The following NT5C1B variants were observed in gnomAD, a reference collection of about 807,000 sequenced individuals.
NT5C1B encodes the protein cytosolic 5'-nucleotidase 1B.
Under a neutral mutation model 57.8 loss-of-function variants are expected in NT5C1B, and 44 were observed. The ratio of observed to expected loss-of-function variants is 0.76; its 90% CI spans 0.60 to 0.98. The LOEUF is 0.98. Among genes scored for constraint, NT5C1B ranks in the 50% least tolerant of loss-of-function variants. The pLI is 0.00. For missense variants in NT5C1B, 742 were observed against 719.5 expected (o/e 1.03, Z -0.36); for synonymous variants, 284 against 282.6 (o/e 1.00, Z -0.05).
At chr2:18,576,934 T>C (rs893847599) in intron 6 of NT5C1B, 39 bp from the exon 7 acceptor site, 1 of 1,609,406 alleles carries the variant, frequency 6.2e-7, no homozygotes, top group Non-Finnish European at 8.5e-7. Flanking sequence ...TGACAGAGAT[T>C]AAAGACAAAA....
chr2:18,570,008 A>T (rs181534223), intron 8 of NT5C1B, among the ~76,000 whole-genome samples: 1 of 152,266 alleles, frequency 6.6e-6, no homozygotes, highest in Non-Finnish European at 1.5e-5. Flanking sequence ...ATGTTTTCTA[A>T]TCACAACACA....
chr2:18,564,224 CA>C, intron 8 of NT5C1B, 105 bp from the exon 9 acceptor site: 1 of 1,289,906 alleles, frequency 7.8e-7, no homozygotes. Context: ...GGATATAATA[CA>C]GCATGACATG....
intron 2 of NT5C1B, chr2:18,587,005 T>G (rs934413451): frequency 6.2e-7 from 1 of 1,614,234 alleles, no homozygotes; most frequent in Non-Finnish European, 8.5e-7. Flanking sequence ...CTCATCATGG[T>G]GATCTGCTGG....
At chr2:18,586,271 T>C (rs747815508) in exon 3 of NT5C1B, 2 of 1,614,164 alleles carry the variant, frequency 1.2e-6, no homozygotes, top group Non-Finnish European at 8.5e-7. Context: ...CTGGTGTTCC[T>C]GCTTCTAGGC....
chr2:18,578,068 C>A lies in NT5C1B; in HGVS notation c.1022-1173G>T, dbSNP rs369688921. Among the ~76,000 whole-genome samples the A allele has an allele frequency of 3.9e-5, 6 of 152,128 alleles. No individual in the cohort carries two copies. In the East Asian group the frequency reaches 1.2e-3, roughly 29 times the overall value. On this transcript the variant is annotated intron_variant, in intron 6 of 8. Transcript: ENST00000304081. Reference sequence around the variant, plus strand: ...AAAAATATAACCTCCCAAGATTGAACCAGGAAGAAACTGAAACCCTGAACT... The same window carrying A: ...AAAAATATAACCTCCCAAGATTGAAACAGGAAGAAACTGAAACCCTGAACT...
intron 1 of NT5C1B, among the ~76,000 whole-genome samples, chr2:18,588,502 T>C (rs942678063): frequency 2.0e-5 from 3 of 152,204 alleles, no homozygotes; most frequent in Admixed American, 6.5e-5. Flanking sequence ...GCTGTATGAC[T>C]CCTGAACTAA....
intron 2 of NT5C1B, chr2:18,586,997 C>T: frequency 1.9e-6 from 3 of 1,614,166 alleles, no homozygotes; most frequent in Non-Finnish European, 2.5e-6. Context: ...TGCTCACCCT[C>T]ATCATGGTGA....
intron 8 of NT5C1B, among the ~76,000 whole-genome samples, chr2:18,573,023 T>TA (rs1208865691): frequency 6.6e-6 from 1 of 152,170 alleles, no homozygotes; most frequent in Non-Finnish European, 1.5e-5. Flanking sequence ...GCTTCATTTA[T>TA]AAATGTCAAA....
At position 18,584,316 on chromosome 2, in the gene NT5C1B, G is replaced by A; in HGVS notation, c.724-61C>T. The A allele has an allele frequency of 1.3e-6, 2 of 1,584,476 alleles. No individual in the cohort carries two copies. The highest frequency in any genetic ancestry group is 1.7e-6 in the Non-Finnish European group (2 of 1,165,102). ...TAGCCACGAAGAGGACAGGGTTGGG[G>A]CTCCTCCAGGGTAGGGTGAGAGTAG... On this transcript the variant is annotated intron_variant, in intron 4 of 8. Coordinates refer to ENST00000304081, the Ensembl canonical transcript of NT5C1B. The surrounding 1 kb of genome is among the most constrained non-coding windows in gnomAD (Gnocchi z 5.8).
At chr2:18,588,426 G>A (rs957553734) in intron 1 of NT5C1B, among the ~76,000 whole-genome samples, 1 of 152,176 alleles carries the variant, frequency 6.6e-6, no homozygotes, top group African/African-American at 2.4e-5. Flanking sequence ...TCTGTGTCTT[G>A]CATGCAGGAA....
At chr2:18,582,845 C>A (rs767255525) in intron 6 of NT5C1B, 23 bp downstream of exon 6, 2 of 1,608,968 alleles carry the variant, frequency 1.2e-6, no homozygotes, top group South Asian at 1.1e-5. Context: ...GCTGGTCTTC[C>A]ACATGGTATT....
chr2:18,573,698 C>T (rs1386190026), intron 8 of NT5C1B, among the ~76,000 whole-genome samples: 2 of 152,114 alleles, frequency 1.3e-5, no homozygotes, highest in Non-Finnish European at 2.9e-5. Flanking sequence ...CAACACCCTA[C>T]TAGCAACATA....
At chr2:18,575,498 G>A (rs1375083602) in intron 8 of NT5C1B, among the ~76,000 whole-genome samples, 7 of 152,178 alleles carry the variant, frequency 4.6e-5, no homozygotes, top group Middle Eastern at 6.8e-3. Context: ...AAAATTGATA[G>A]AATAAAATTA....
chr2:18,586,634 A>G, intron 2 of NT5C1B: 1 of 637,190 alleles, frequency 1.6e-6, no homozygotes, highest in Non-Finnish European at 2.6e-6. Context: ...ACCAAGATGC[A>G]AACATATTTT....
exon 9 of NT5C1B, chr2:18,563,785 C>A: frequency 6.6e-7 from 1 of 1,509,906 alleles, no homozygotes; most frequent in South Asian, 1.4e-5. Context: ...CTTTATTTCT[C>A]CTCCCTGCCC....
At chr2:18,563,548 A>C (rs1244232684) in exon 9 of NT5C1B, 1 of 352,242 alleles carries the variant, frequency 2.8e-6, no homozygotes, top group Non-Finnish European at 5.1e-6. Context: ...TATCCTAAAG[A>C]GTCATCATTA....
chr2:18,589,053 G>A (rs1666968970), intron 1 of NT5C1B, among the ~76,000 whole-genome samples: 1 of 152,050 alleles, frequency 6.6e-6, no homozygotes, highest in Non-Finnish European at 1.5e-5. Context: ...TGTGTCTTTT[G>A]TACATACTTT....
chr2:18,567,521 G>T (rs1664756100), intron 8 of NT5C1B, among the ~76,000 whole-genome samples: 1 of 152,138 alleles, frequency 6.6e-6, no homozygotes, highest in South Asian at 2.1e-4. Context: ...CACAGGGAAG[G>T]CCTGCTGCTG....
intron 8 of NT5C1B, among the ~76,000 whole-genome samples, chr2:18,574,439 A>G (rs1305933396): frequency 6.6e-6 from 1 of 152,166 alleles, no homozygotes; most frequent in African/African-American, 2.4e-5. Context: ...AAAAACTAAG[A>G]ATAGAACAAC....
Sources: allele counts gnomAD v4.1 joint callset (sites outside exome capture counted in the v4.1 genomes callset), GRCh38; gene constraint gnomAD v4.1.1; non-coding constraint Gnocchi (gnomAD v3.1); transcripts MANE v1.5; gene names NCBI Gene and HGNC (gene_info 2026-07-23, HGNC 2026-07-21).